The following NRXN1 variants were observed in gnomAD, a reference collection of about 807,000 sequenced individuals.
NRXN1 encodes neurexin 1.
Under a neutral mutation model 150.9 loss-of-function variants are expected in NRXN1, and 39 were observed. The observed-to-expected ratio is 0.26, with a 90% CI of 0.20 to 0.34. The LOEUF (loss-of-function observed/expected upper bound fraction) is 0.34, where lower values mean the gene tolerates loss of function less well. NRXN1 is among the 10% of genes least tolerant of loss of function. NRXN1 has a pLI of 1.00. For missense variants in NRXN1, 1,815 were observed against 1,949.9 expected (o/e 0.93, Z 1.30); for synonymous variants, 924 against 757.0 (o/e 1.22, Z -3.62).
intron 5 of NRXN1, among the ~76,000 whole-genome samples, chr2:50,741,967 C>T (rs1349747114): frequency 6.6e-6 from 1 of 152,068 alleles, no homozygotes; most frequent in African/African-American, 2.4e-5. Flanking sequence ...CTCATTCAAA[C>T]AATATTCGCT....
intron 2 of NRXN1, among the ~76,000 whole-genome samples, chr2:51,012,442 A>C (rs934281943): frequency 6.6e-6 from 1 of 152,052 alleles, no homozygotes; most frequent in Non-Finnish European, 1.5e-5. Context: ...TAAACCTGCT[A>C]ATTTTTGCTT....
chr2:51,027,781 C>CGGCGAG lies in NRXN1; in HGVS notation c.492_493insCTCGCC (p.Ala164_Ala165insLeuAla). On this transcript the variant is annotated inframe_insertion, in exon 2 of 23. Coordinates refer to ENST00000401669, the MANE Select transcript of NRXN1 (RefSeq NM_001330078.2). ...GAGGCCAGGGTGAGCTTGAGCGCCG[C>CGGCGAG]GGCGCGCAGTTCCGGGGGCAGCCCC... is the stretch of plus-strand genomic sequence containing the variant. 6.2e-7 allele frequency: 1 copy of CGGCGAG among 1,612,700 alleles called. No individual in the cohort carries two copies. The highest frequency in any genetic ancestry group is 8.5e-7 in the Non-Finnish European group (1 of 1,179,428).
At chr2:50,608,862 T>C (rs1677569122) in intron 8 of NRXN1, among the ~76,000 whole-genome samples, 1 of 152,114 alleles carries the variant, frequency 6.6e-6, no homozygotes, top group African/African-American at 2.4e-5. Flanking sequence ...AATGATAACA[T>C]TCTTAAGAAC....
chr2:50,577,699 A>G (rs1040842266), intron 8 of NRXN1, among the ~76,000 whole-genome samples: 6 of 147,830 alleles, frequency 4.1e-5, no homozygotes, highest in Non-Finnish European at 8.9e-5. Context: ...CGGTAATAGT[A>G]CCTGACTGAA....
intron 2 of NRXN1, among the ~76,000 whole-genome samples, chr2:51,015,079 GT>G (rs1668458534): frequency 6.6e-6 from 1 of 152,108 alleles, no homozygotes; most frequent in South Asian, 2.1e-4. Context: ...TTCCTGTCCT[GT>G]CTTCTACTAA....
rs901585643 is a variant in NRXN1 at position 50,031,697 on chromosome 2, C to T, written c.4128+21574G>A. On this transcript the variant is annotated intron_variant, in intron 21 of 22. Coordinates refer to ENST00000401669, the MANE Select transcript of NRXN1 (RefSeq NM_001330078.2). ...AGAAATGCAATTTGTCTCATCCAAA[C>T]GCATCATATAAAATGACCAAGTGCT... is the stretch of plus-strand genomic sequence containing the variant. Among the ~76,000 whole-genome samples, 9 of 152,034 alleles carry T rather than the reference C, an allele frequency of 5.9e-5. No individual in the cohort carries two copies. In the South Asian group the frequency reaches 6.2e-4, roughly 10 times the overall value.
chr2:50,132,298 C>G (rs1014477554), intron 18 of NRXN1, among the ~76,000 whole-genome samples: 1 of 136,980 alleles, frequency 7.3e-6, no homozygotes, highest in Non-Finnish European at 1.5e-5. Context: ...AGTTTATGTC[C>G]CAAAACTCTT....
intron 19 of NRXN1, among the ~76,000 whole-genome samples, chr2:50,058,792 A>C (rs1296365071): frequency 1.2e-4 from 19 of 152,090 alleles, no homozygotes; most frequent in Admixed American, 6.6e-4. Context: ...TGGTTTTATA[A>C]ATGGCAGTTC....
chr2:50,570,224 GA>G (rs1306281681), intron 8 of NRXN1, among the ~76,000 whole-genome samples: 5 of 152,032 alleles, frequency 3.3e-5, no homozygotes, highest in Non-Finnish European at 5.9e-5. Flanking sequence ...TAGAGAGGAA[GA>G]AGGAGTAAGA....
chr2:50,236,747 C>A (rs369717812), intron 18 of NRXN1, 42 bp downstream of exon 18: 1 of 1,582,994 alleles, frequency 6.3e-7, no homozygotes, highest in Non-Finnish European at 8.7e-7. Flanking sequence ...AAAAAGTTAA[C>A]AGTAAAAAGT....
intron 17 of NRXN1, among the ~76,000 whole-genome samples, chr2:50,363,291 A>G (rs2079352461): frequency 3.9e-5 from 6 of 152,214 alleles, no homozygotes; most frequent in Admixed American, 3.9e-4. Context: ...AACTATCATC[A>G]AAGTGAACAG....
At chr2:50,410,760 T>G (rs980876772) in intron 17 of NRXN1, among the ~76,000 whole-genome samples, 1 of 152,164 alleles carries the variant, frequency 6.6e-6, no homozygotes, top group East Asian at 1.9e-4. Flanking sequence ...ATGCAGAGTA[T>G]AGATGGCACA....
At chr2:50,007,014 C>G (rs1684876657) in intron 21 of NRXN1, among the ~76,000 whole-genome samples, 1 of 152,054 alleles carries the variant, frequency 6.6e-6, no homozygotes, top group African/African-American at 2.4e-5. Flanking sequence ...ATTGCATGAC[C>G]TTTTAAGTCC....
chr2:50,152,016 A>G (rs1333182996), intron 18 of NRXN1, among the ~76,000 whole-genome samples: 1 of 151,796 alleles, frequency 6.6e-6, no homozygotes, highest in Non-Finnish European at 1.5e-5. Context: ...TCAATATTTC[A>G]TTTTTAATTT....
At chr2:50,449,277 A>G (rs984706879) in intron 17 of NRXN1, among the ~76,000 whole-genome samples, 6 of 152,256 alleles carry the variant, frequency 3.9e-5, no homozygotes, top group Non-Finnish European at 5.9e-5. Flanking sequence ...GAAGTCAAGA[A>G]AGTGAATCCA....
rs200749058 is a variant in NRXN1 at position 50,329,676 on chromosome 2, T to A, written c.3365-92706A>T. On this transcript the variant is annotated intron_variant, in intron 17 of 22. Transcript: ENST00000401669. ...ATATATATATATATATATATATATTTTTTTTTTTCCCCCCCGAGACGGAGT... is the reference window on the plus strand; with the variant it reads ...ATATATATATATATATATATATATTATTTTTTTTCCCCCCCGAGACGGAGT... Among the ~76,000 whole-genome samples the A allele has an allele frequency of 4.3e-4, 15 of 34,800 alleles. 1 individual carries two copies. Among genetic ancestry groups the A allele is most frequent in the African/African-American group, 1.3e-3 (13 of 9,710 alleles). 22.8% of individuals were successfully genotyped at this position (34,800 alleles called of 152,430 possible). A position where few individuals can be genotyped will look rare whatever the true frequency, so the allele number is the denominator to read the frequency against.
chr2:50,293,102 A>T (rs911790742), intron 17 of NRXN1, among the ~76,000 whole-genome samples: 2 of 152,118 alleles, frequency 1.3e-5, no homozygotes, highest in African/African-American at 4.8e-5. Context: ...TAGTTTTCAA[A>T]TATTGCTGGC....
chr2:50,193,984 T>G (rs1055940478), intron 18 of NRXN1, among the ~76,000 whole-genome samples: 2 of 152,194 alleles, frequency 1.3e-5, no homozygotes, highest in African/African-American at 4.8e-5. Context: ...GTAATTACCA[T>G]CAATTACCAT....
intron 18 of NRXN1, among the ~76,000 whole-genome samples, chr2:50,158,212 CATT>C (rs2152781912): frequency 1.3e-5 from 2 of 151,546 alleles, no homozygotes; most frequent in Non-Finnish European, 2.9e-5. Context: ...GAATCCACAT[CATT>C]GATAGATTTG....
Sources: allele counts gnomAD v4.1 joint callset (sites outside exome capture counted in the v4.1 genomes callset), GRCh38; gene constraint gnomAD v4.1.1; transcripts MANE v1.5; gene names NCBI Gene and HGNC (gene_info 2026-07-23, HGNC 2026-07-21).